Variants in DROSHA observed in about 807,000 individuals in gnomAD.
DROSHA encodes drosha ribonuclease III.
DROSHA carries 56 observed loss-of-function variants against 181.9 expected under a neutral mutation model. The ratio of observed to expected loss-of-function variants is 0.31; its 90% CI spans 0.25 to 0.38. DROSHA has a LOEUF of 0.38. Among genes scored for constraint, DROSHA ranks in the 10% least tolerant of loss-of-function variants. The pLI, the probability that DROSHA is intolerant of heterozygous loss-of-function variation, is 1.00. For missense variants in DROSHA, 1,218 were observed against 1,743.5 expected (o/e 0.70, Z 5.37); for synonymous variants, 524 against 591.2 (o/e 0.89, Z 1.65).
chr5:31,406,652 A>G (rs903761377), intron 34 of DROSHA, among the ~76,000 whole-genome samples: 1 of 152,162 alleles, frequency 6.6e-6, no homozygotes, highest in Non-Finnish European at 1.5e-5. Flanking sequence ...CCCTTACACA[A>G]TGGTATTCCC....
At chr5:31,454,194 C>A (rs1214210253) in intron 20 of DROSHA, among the ~76,000 whole-genome samples, 1 of 152,184 alleles carries the variant, frequency 6.6e-6, no homozygotes, top group South Asian at 2.1e-4. Flanking sequence ...TCTGCCGAAT[C>A]TAATTCACTG....
chr5:31,430,281 T>C (rs1161557669), intron 26 of DROSHA, among the ~76,000 whole-genome samples: 2 of 152,246 alleles, frequency 1.3e-5, no homozygotes, highest in Non-Finnish European at 2.9e-5. Context: ...TGGTAGCAGC[T>C]GTTGTGGTTT....
intron 35 of DROSHA, among the ~76,000 whole-genome samples, 188 bp from the exon 36 acceptor site, chr5:31,401,750 G>A (rs1205495858): frequency 6.6e-6 from 1 of 152,042 alleles, no homozygotes; most frequent in African/African-American, 2.4e-5. Context: ...AAAACATAAT[G>A]GAAGTCTGGA....
chr5:31,493,937 T>TTGTGTGTGTGTGTG (rs67311624), intron 12 of DROSHA, among the ~76,000 whole-genome samples: 146 of 144,804 alleles, frequency 1.0e-3, no homozygotes, highest in African/African-American at 1.6e-3. Context: ...TAACCCACCA[T>TTGTGTGTGTGTGTG]TGTGTGTGTG....
At chr5:31,431,366 C>CAGAAAAAA (rs1744155099) in intron 26 of DROSHA, among the ~76,000 whole-genome samples, 1 of 57,648 alleles carries the variant, frequency 1.7e-5, no homozygotes, top group Non-Finnish European at 3.2e-5. Context: ...CAGTAGAATG[C>CAGAAAAAA]AAAAAAAAAA....
intron 23 of DROSHA, among the ~76,000 whole-genome samples, chr5:31,438,070 T>A (rs1745107283): frequency 6.6e-6 from 1 of 152,212 alleles, no homozygotes; most frequent in Non-Finnish European, 1.5e-5. Flanking sequence ...AATTATATGA[T>A]GAAGTCATAT....
intron 8 of DROSHA, among the ~76,000 whole-genome samples, chr5:31,511,458 A>C (rs1327119421): frequency 6.6e-6 from 1 of 152,122 alleles, no homozygotes; most frequent in Non-Finnish European, 1.5e-5. Context: ...TAATCCTAGC[A>C]ACTTTGGGAG....
At chr5:31,513,426 G>T (rs1561280302) in intron 8 of DROSHA, among the ~76,000 whole-genome samples, 1 of 152,142 alleles carries the variant, frequency 6.6e-6, no homozygotes, top group African/African-American at 2.4e-5. Flanking sequence ...CATTTCTAAC[G>T]GACAGAACCA....
chr5:31,442,513 C>T (rs1429915113), intron 23 of DROSHA, among the ~76,000 whole-genome samples: 1 of 152,104 alleles, frequency 6.6e-6, no homozygotes. Context: ...AGAAGTGAAT[C>T]AACAGAGGCA....
chr5:31,503,468 T>G (rs1737538910), intron 11 of DROSHA, among the ~76,000 whole-genome samples: 1 of 152,174 alleles, frequency 6.6e-6, no homozygotes. Context: ...ATGTGCACTG[T>G]GTAGTCAGCA....
chr5:31,433,131 T>C (rs1209502765), intron 25 of DROSHA, among the ~76,000 whole-genome samples: 1 of 152,194 alleles, frequency 6.6e-6, no homozygotes, highest in East Asian at 1.9e-4. Flanking sequence ...ATAGATTCTG[T>C]GTGTCTCAGT....
chr5:31,501,144 G>A (rs1580316168), intron 11 of DROSHA, among the ~76,000 whole-genome samples: 1 of 152,166 alleles, frequency 6.6e-6, no homozygotes, highest in Non-Finnish European at 1.5e-5. Flanking sequence ...TGTACACTGG[G>A]AAAAGAGGAA....
intron 11 of DROSHA, among the ~76,000 whole-genome samples, chr5:31,498,276 T>A (rs1055225450): frequency 6.6e-6 from 1 of 152,106 alleles, no homozygotes; most frequent in Admixed American, 6.5e-5. Flanking sequence ...CCACTTACAG[T>A]ATACTCCAGA....
At position 31,410,791 on chromosome 5, in the gene DROSHA, T is replaced by G. The variant is rs1477148606; in HGVS notation, c.3622A>C (p.Arg1208=). ...GTCTTGGTGCGAAGCGCCACAGGCC[T>G]CTTGGTCTTGTCGTTGGTTATGGCG... The part of the protein sequence containing the change: ...EYAITNDKTK[R]PVALRTKTLA... Residue 1208 remains arginine (R), a synonymous_variant, in exon 31 of 36, where the codon AGG becomes CGG. Coordinates refer to ENST00000344624, the MANE Select transcript of DROSHA (RefSeq NM_001382508.1). The G allele has an allele frequency of 6.2e-7, 1 of 1,614,026 alleles. No individual in the cohort carries two copies.
chr5:31,424,765 A>T (rs1295295271), intron 27 of DROSHA, among the ~76,000 whole-genome samples: 1 of 152,180 alleles, frequency 6.6e-6, no homozygotes, highest in Non-Finnish European at 1.5e-5. Flanking sequence ...AATACACTGC[A>T]CTAAGCTGCT....
chr5:31,501,782 A>T (rs1197103698), intron 11 of DROSHA, among the ~76,000 whole-genome samples: 1 of 152,202 alleles, frequency 6.6e-6, no homozygotes, highest in Non-Finnish European at 1.5e-5. Flanking sequence ...TGGTTCACAG[A>T]CATTTATAGT....
intron 20 of DROSHA, among the ~76,000 whole-genome samples, chr5:31,458,503 C>T (rs1407996960): frequency 6.6e-6 from 1 of 152,150 alleles, no homozygotes; most frequent in Non-Finnish European, 1.5e-5. Flanking sequence ...ATTTGAATAT[C>T]ATTTTGGCAG....
At chr5:31,449,969 T>A (rs1437955407) in intron 21 of DROSHA, among the ~76,000 whole-genome samples, 1 of 151,172 alleles carries the variant, frequency 6.6e-6, no homozygotes, top group Non-Finnish European at 1.5e-5. Context: ...CAAGAAAAAA[T>A]AATAACAATA....
rs1208563071 is a variant in DROSHA at position 31,514,929 on chromosome 5, C to T, written c.1290+59G>A. The stretch of plus-strand genomic sequence containing the variant: ...TCAAGAATTTATCCAGCCCCAAAGG[C>T]CAATAGTGACAACGCCGAGAAGCCC... On this transcript the variant is annotated intron_variant, in intron 8 of 35. Coordinates refer to ENST00000344624, the MANE Select transcript of DROSHA (RefSeq NM_001382508.1). This position sits in a 1 kb window ranked among gnomAD's most constrained non-coding sequence, Gnocchi z 4.4. 3 of 1,515,706 alleles carry T rather than the reference C, an allele frequency of 2.0e-6. No homozygotes were observed. The African/African-American group carries it at 4.2e-5, about 21-fold the overall frequency. The allele number at this position is 1,515,706 out of a possible 1,614,324, so 93.9% of individuals were successfully genotyped here.
Sources: allele counts gnomAD v4.1 joint callset (sites outside exome capture counted in the v4.1 genomes callset), GRCh38; gene constraint gnomAD v4.1.1; non-coding constraint Gnocchi (gnomAD v3.1); transcripts MANE v1.5; gene names NCBI Gene and HGNC (gene_info 2026-07-23, HGNC 2026-07-21).